Variants in GPR158 observed in about 807,000 individuals in gnomAD.
GPR158 encodes the protein G protein-coupled receptor 158.
In GPR158, 30 loss-of-function variants were observed where a neutral mutation model predicts 78.2. The observed-to-expected ratio is 0.38, with a 90% CI of 0.29 to 0.52. The LOEUF is 0.52. Among genes scored for constraint, GPR158 ranks in the 20% least tolerant of loss-of-function variants. The pLI is 0.83. For synonymous variants in GPR158, 581 were observed against 591.1 expected (o/e 0.98, Z 0.25); for missense variants, 1,463 against 1,523.5 (o/e 0.96, Z 0.66).
At chr10:25,512,098 G>A (rs1220451167) in intron 5 of GPR158, among the ~76,000 whole-genome samples, 2 of 152,094 alleles carry the variant, frequency 1.3e-5, no homozygotes, top group African/African-American at 4.8e-5. Flanking sequence ...GATGAGAATT[G>A]TATTGAATTT....
At chr10:25,283,360 T>C (rs1854302647) in intron 2 of GPR158, among the ~76,000 whole-genome samples, 1 of 152,064 alleles carries the variant, frequency 6.6e-6, no homozygotes, top group Non-Finnish European at 1.5e-5. Context: ...ATTCATAATG[T>C]TGATAATTCA....
chr10:25,377,136 C>T (rs1431386780), intron 2 of GPR158, among the ~76,000 whole-genome samples: 1 of 151,720 alleles, frequency 6.6e-6, no homozygotes, highest in Non-Finnish European at 1.5e-5. Context: ...TTAGTTCTCT[C>T]ACCTCCCCTC....
intron 2 of GPR158, among the ~76,000 whole-genome samples, chr10:25,334,583 C>T (rs1017897773): frequency 6.6e-6 from 1 of 151,842 alleles, no homozygotes; most frequent in African/African-American, 2.4e-5. Context: ...CTAGAATGTA[C>T]GATATCTGAA....
intron 2 of GPR158, among the ~76,000 whole-genome samples, chr10:25,383,119 G>A (rs1834178327): frequency 6.6e-6 from 1 of 152,170 alleles, no homozygotes; most frequent in African/African-American, 2.4e-5. Context: ...ACAGGCATGA[G>A]CCGCCGCTCC....
At chr10:25,313,442 C>G (rs1320765237) in intron 2 of GPR158, among the ~76,000 whole-genome samples, 8 of 151,278 alleles carry the variant, frequency 5.3e-5, no homozygotes, top group Non-Finnish European at 8.8e-5. Context: ...GAGTACTTAA[C>G]AGAGAGATAT....
chr10:25,416,917 C>G lies in GPR158; in HGVS notation c.1335+4444C>G, dbSNP rs944916274. Among the ~76,000 whole-genome samples, 15 of 151,976 alleles carry G rather than the reference C, an allele frequency of 9.9e-5. No homozygotes were observed. The South Asian group carries it at 1.0e-3, about 10-fold the overall frequency. On this transcript the variant is annotated intron_variant, in intron 4 of 10. Coordinates refer to ENST00000376351, the MANE Select transcript of GPR158 (RefSeq NM_020752.3). ...TAAGTATAGAAAAATTAGTTGAAAT[C>G]AAGGGTGAGGTTAAGATATCAAATG...
At chr10:25,241,091 T>C (rs1050427234) in intron 2 of GPR158, among the ~76,000 whole-genome samples, 1 of 152,206 alleles carries the variant, frequency 6.6e-6, no homozygotes, top group East Asian at 1.9e-4. Context: ...ATTTTTTAAC[T>C]CAATTATGAC....
Position 25,203,908 on chromosome 10 carries a change from ATTTG to A in GPR158, c.903-17138_903-17135del, listed in dbSNP as rs574839091. 8.7e-3 allele frequency among the ~76,000 whole-genome samples: 1,266 copies of A among 144,720 alleles called. 172 individuals carry two copies. Among genetic ancestry groups the A allele is most frequent in the Middle Eastern group, 0.031 (9 of 292 alleles). 94.9% of individuals were successfully genotyped at this position (144,720 alleles called of 152,430 possible). ...ATCCATGAGCATGGAATGTTCTTCC[ATTTG>A]TTTGTATCCTCTTTTATTTCATTGA... is the stretch of plus-strand genomic sequence containing the variant. On this transcript the variant is annotated intron_variant, in intron 1 of 10. Transcript: ENST00000376351.
At position 25,175,602 on chromosome 10, in the gene GPR158, G is replaced by T; in HGVS notation, c.182G>T (p.Trp61Leu). Residue 61 changes from tryptophan (W) to leucine (L), a missense_variant, in exon 1 of 11, where the codon TGG becomes TTG. Coordinates refer to ENST00000376351, the MANE Select transcript of GPR158 (RefSeq NM_020752.3). This position sits in a 1 kb window ranked among gnomAD's most constrained non-coding sequence, Gnocchi z 6.4. ...TCTGCCTCGGACTCCTCGGCTCCCT[G>T]GAGCCGCTCCACCGATGGCACCATC... is the stretch of plus-strand genomic sequence containing the variant. The part of the protein sequence containing the change: ...RASASDSSAP[W>L]SRSTDGTILA... The T allele has an allele frequency of 6.2e-7, 1 of 1,610,880 alleles. No individual in the cohort carries two copies.
rs551007841 is a variant in GPR158, at chr10:25,478,819, C to T, written c.1404+12100C>T. On this transcript the variant is annotated intron_variant, in intron 5 of 10. Coordinates refer to ENST00000376351, the MANE Select transcript of GPR158 (RefSeq NM_020752.3). ...CTCCCCCCACCCCACGACAGGCCCC[C>T]GGTGTGTGATGTTCCCCTTCCTGTG... Among the ~76,000 whole-genome samples, 5 of 145,594 alleles carry T rather than the reference C, an allele frequency of 3.4e-5. 1 individual carries two copies. The highest frequency in any genetic ancestry group is 3.5e-3 in the Middle Eastern group (1 of 284).
At chr10:25,245,547 T>G (rs1244506121) in intron 2 of GPR158, among the ~76,000 whole-genome samples, 2 of 152,150 alleles carry the variant, frequency 1.3e-5, no homozygotes, top group African/African-American at 4.8e-5. Context: ...GGGGTGGGTG[T>G]AAGACTGTGA....
At chr10:25,203,416 G>A (rs1008910394) in intron 1 of GPR158, among the ~76,000 whole-genome samples, 11 of 152,026 alleles carry the variant, frequency 7.2e-5, no homozygotes, top group African/African-American at 1.9e-4. Flanking sequence ...AATCCATCTC[G>A]AATTAATTTT....
At chr10:25,402,049 GCACAC>G (rs1479887418) in intron 3 of GPR158, among the ~76,000 whole-genome samples, 2 of 152,036 alleles carry the variant, frequency 1.3e-5, no homozygotes, top group African/African-American at 4.8e-5. Context: ...CAGACTGGTG[GCACAC>G]CACCTTCCCA....
chr10:25,208,558 T>TTGTGTGTGTGTGTG (rs71399956), intron 1 of GPR158, among the ~76,000 whole-genome samples: 2 of 135,156 alleles, frequency 1.5e-5, no homozygotes, highest in African/African-American at 5.5e-5. Flanking sequence ...CTATGTGAAT[T>TTGTGTGTGTGTGTG]TGTGTGTGTG....
chr10:25,473,664 C>T (rs1835541387), intron 5 of GPR158, among the ~76,000 whole-genome samples: 1 of 152,090 alleles, frequency 6.6e-6, no homozygotes, highest in Non-Finnish European at 1.5e-5. Flanking sequence ...GATTCAACTT[C>T]TTTCTGGTTT....
intron 2 of GPR158, among the ~76,000 whole-genome samples, chr10:25,367,035 G>T (rs966637042): frequency 6.6e-6 from 1 of 151,520 alleles, no homozygotes; most frequent in South Asian, 2.1e-4. Context: ...TTGATCAAAA[G>T]TTTTTAATTT....
At chr10:25,389,430 G>C (rs1300267869) in intron 2 of GPR158, among the ~76,000 whole-genome samples, 5 of 152,168 alleles carry the variant, frequency 3.3e-5, no homozygotes. Context: ...GCCTCACAGA[G>C]AGGAGACTCT....
chr10:25,502,580 C>T (rs998964011), intron 5 of GPR158, among the ~76,000 whole-genome samples: 10 of 150,564 alleles, frequency 6.6e-5, no homozygotes, highest in African/African-American at 2.2e-4. Flanking sequence ...ACCAAACAGT[C>T]GGTAGGTTTT....
intron 4 of GPR158, among the ~76,000 whole-genome samples, chr10:25,438,375 C>A (rs1773657): frequency 0.69 from 104,702 of 152,086 alleles, 36,955 homozygotes; most frequent in Non-Finnish European, 0.78. Flanking sequence ...ATATTGGCAT[C>A]GGTAGTTATG....
Sources: allele counts gnomAD v4.1 joint callset (sites outside exome capture counted in the v4.1 genomes callset), GRCh38; gene constraint gnomAD v4.1.1; non-coding constraint Gnocchi (gnomAD v3.1); transcripts MANE v1.5; gene names NCBI Gene and HGNC (gene_info 2026-07-23, HGNC 2026-07-21).